NAP1L1: variants seen among roughly 807,000 people sequenced by gnomAD.
NAP1L1 encodes nucleosome assembly protein 1 like 1, also known as nucleosome assembly protein 1-like 1.
NAP1L1 carries 9 observed loss-of-function variants against 58.9 expected under a neutral mutation model. The observed-to-expected ratio is 0.15, with a 90% CI of 0.09 to 0.27. NAP1L1 has a LOEUF of 0.27. NAP1L1 is among the 10% of genes least tolerant of loss of function. NAP1L1 has a pLI of 1.00. For missense variants in NAP1L1, 302 were observed against 458.8 expected (o/e 0.66, Z 3.12); for synonymous variants, 130 against 138.3 (o/e 0.94, Z 0.42).
At chr12:76,064,165 G>GT (rs757703271) in intron 4 of NAP1L1, among the ~76,000 whole-genome samples, 4 of 152,102 alleles carry the variant, frequency 2.6e-5, no homozygotes, top group Non-Finnish European at 4.4e-5. Context: ...GGTTATTATT[G>GT]TAATATCAGA....
chr12:76,084,042 G>T (rs1221459470), intron 1 of NAP1L1: 1 of 152,044 alleles, frequency 6.6e-6, no homozygotes, highest in Non-Finnish European at 1.5e-5. Flanking sequence ...CCCCGCCTCG[G>T]GGACTCGTCC....
At chr12:76,048,945 T>C in intron 14 of NAP1L1, 2 of 509,718 alleles carry the variant, frequency 3.9e-6, no homozygotes, top group East Asian at 3.2e-5. Context: ...CCCATTAAAA[T>C]AGAATCCTAG....
intron 8 of NAP1L1, among the ~76,000 whole-genome samples, chr12:76,054,122 C>T (rs1948965687): frequency 6.6e-6 from 1 of 152,192 alleles, no homozygotes; most frequent in South Asian, 2.1e-4. Context: ...CTTTGCCTCC[C>T]AGATTCAAGT....
chr12:76,053,164 T>TA (rs1948920892), intron 10 of NAP1L1, 41 bp downstream of exon 10: 1 of 1,612,312 alleles, frequency 6.2e-7, no homozygotes, highest in African/African-American at 1.3e-5. Flanking sequence ...CAATGCTTTT[T>TA]ATAAAACAAC....
chr12:76,066,735 A>C (rs1462697197), intron 4 of NAP1L1, among the ~76,000 whole-genome samples: 1 of 152,164 alleles, frequency 6.6e-6, no homozygotes, highest in Non-Finnish European at 1.5e-5. Context: ...TCATGCTAGA[A>C]GTTTAATACT....
At chr12:76,064,768 G>C (rs1192127276) in intron 4 of NAP1L1, among the ~76,000 whole-genome samples, 2 of 151,388 alleles carry the variant, frequency 1.3e-5, no homozygotes, top group Admixed American at 6.6e-5. Flanking sequence ...AAACTGATGA[G>C]AGAACTTGAA....
chr12:76,083,468 T>G (rs1331235323), intron 1 of NAP1L1, among the ~76,000 whole-genome samples: 3 of 137,534 alleles, frequency 2.2e-5, no homozygotes, highest in Non-Finnish European at 3.1e-5. Context: ...ATGAGCTTTT[T>G]TTTCCAAAAA....
chr12:76,056,462 A>C (rs911888058), intron 6 of NAP1L1: 15 of 355,668 alleles, frequency 4.2e-5, no homozygotes, highest in Non-Finnish European at 8.1e-5. Context: ...GAAAAGCAAC[A>C]GAAATACTAA....
intron 6 of NAP1L1, chr12:76,058,007 AAC>A: frequency 8.6e-6 from 7 of 811,558 alleles, no homozygotes; most frequent in Non-Finnish European, 1.6e-5. Flanking sequence ...GTGCCTCAGT[AAC>A]AGAGGAGGAT....
chr12:76,053,447 A>C (rs1948933890), intron 9 of NAP1L1, 97 bp from the exon 10 acceptor site: 3 of 1,374,876 alleles, frequency 2.2e-6, no homozygotes, highest in Non-Finnish European at 3.0e-6. Flanking sequence ...AAATTTTAGA[A>C]GGGTGAATTG....
At chr12:76,070,539 C>T (rs1393718393) in intron 2 of NAP1L1, among the ~76,000 whole-genome samples, 2 of 152,150 alleles carry the variant, frequency 1.3e-5, no homozygotes, top group African/African-American at 4.8e-5. Flanking sequence ...CATCTATATC[C>T]AAAGGCTTTA....
intron 6 of NAP1L1, among the ~76,000 whole-genome samples, chr12:76,058,920 C>CAATAACA (rs1461026818): frequency 2.0e-5 from 3 of 152,060 alleles, no homozygotes; most frequent in Admixed American, 2.0e-4. Context: ...CCTATGGGCA[C>CAATAACA]AATAACATAC....
In NAP1L1 at chr12:76,044,752, C is replaced by T. The variant is rs1389827789; in HGVS notation, c.*3677G>A. On this transcript the variant is annotated 3_prime_UTR_variant, in exon 15 of 15. Transcript: ENST00000618691. ...AAAGGAAGAAACACAAGATACAAAGCATACTGTATTTTTGAAAATATACAT... is the reference window on the plus strand; with the variant it reads ...AAAGGAAGAAACACAAGATACAAAGTATACTGTATTTTTGAAAATATACAT... 2.6e-5 allele frequency: 4 copies of T among 152,142 alleles called. No homozygotes were observed. The highest frequency in any genetic ancestry group is 5.9e-5 in the Non-Finnish European group (4 of 67,998). 9.4% of individuals were successfully genotyped at this position (152,142 alleles called of 1,614,324 possible).
At chr12:76,061,186 G>T (rs1261872718) in intron 4 of NAP1L1, 2 of 225,104 alleles carry the variant, frequency 8.9e-6, no homozygotes, top group East Asian at 2.8e-4. Context: ...TTTAGGTTTA[G>T]GGGTGTATGT....
chr12:76,048,837 T>A (rs1948695349), intron 14 of NAP1L1, among the ~76,000 whole-genome samples: 1 of 152,020 alleles, frequency 6.6e-6, no homozygotes, highest in Non-Finnish European at 1.5e-5. Flanking sequence ...GTTGGAAGGA[T>A]CTAACAAACT....
chr12:76,063,433 A>C (rs926429886), intron 4 of NAP1L1, among the ~76,000 whole-genome samples: 5 of 152,234 alleles, frequency 3.3e-5, no homozygotes, highest in Admixed American at 6.5e-5. Flanking sequence ...ATAAATTAAA[A>C]AATAGAGAAA....
At chr12:76,077,202 T>C (rs752336109) in intron 1 of NAP1L1, among the ~76,000 whole-genome samples, 38 of 152,296 alleles carry the variant, frequency 2.5e-4, no homozygotes, top group Non-Finnish European at 4.6e-4. Flanking sequence ...GAAACTTTAG[T>C]AAAGAGGATC....
chr12:76,063,880 T>TA (rs1565731990), intron 4 of NAP1L1, among the ~76,000 whole-genome samples: 8 of 56,554 alleles, frequency 1.4e-4, no homozygotes, highest in African/African-American at 4.0e-4. Flanking sequence ...GGTTAAAAGT[T>TA]TAAAAAAAAA....
chr12:76,077,995 A>AAG (rs1285765881), intron 1 of NAP1L1, among the ~76,000 whole-genome samples: 3 of 150,710 alleles, frequency 2.0e-5, no homozygotes, highest in Admixed American at 2.0e-4. Flanking sequence ...AAAAAAAAAA[A>AAG]AAAAAAGGAA....
Sources: gnomAD v4.1 joint callset for allele counts (sites outside exome capture counted in the v4.1 genomes callset) on GRCh38, gnomAD v4.1.1 for gene constraint, MANE v1.5 for transcripts, NCBI Gene and HGNC (gene_info 2026-07-23, HGNC 2026-07-21) for gene names.